TANGO6: variants seen among roughly 807,000 people sequenced by gnomAD.
TANGO6 encodes transport and Golgi organization protein 6 homolog.
Under a neutral mutation model 114.2 loss-of-function variants are expected in TANGO6, and 90 were observed. The ratio of observed to expected loss-of-function variants is 0.79; its 90% CI spans 0.66 to 0.94. The LOEUF (loss-of-function observed/expected upper bound fraction) is 0.94, where lower values mean the gene tolerates loss of function less well. TANGO6 is among the 40% of genes least tolerant of loss of function. The pLI is 0.00. For synonymous variants in TANGO6, 477 were observed against 509.8 expected (o/e 0.94, Z 0.87); for missense variants, 1,274 against 1,315.3 (o/e 0.97, Z 0.49).
intron 12 of TANGO6, among the ~76,000 whole-genome samples, chr16:68,922,820 A>C (rs937604914): frequency 6.6e-6 from 1 of 152,054 alleles, no homozygotes; most frequent in African/African-American, 2.4e-5. Flanking sequence ...CTGGGCTCCA[A>C]ATCTTGAAAT....
intron 10 of TANGO6, among the ~76,000 whole-genome samples, chr16:68,908,368 A>G (rs1156879637): frequency 1.3e-5 from 2 of 152,054 alleles, no homozygotes; most frequent in African/African-American, 4.8e-5. Context: ...ATCACGTTCC[A>G]AGGGGATGTG....
chr16:69,046,893 T>C (rs1008326777), intron 17 of TANGO6, among the ~76,000 whole-genome samples: 3 of 152,072 alleles, frequency 2.0e-5, no homozygotes, highest in Non-Finnish European at 4.4e-5. Flanking sequence ...TGAGTGATTT[T>C]AGGCCAGGCG....
At chr16:68,931,065 C>T (rs777743720) in intron 14 of TANGO6, among the ~76,000 whole-genome samples, 2 of 152,056 alleles carry the variant, frequency 1.3e-5, no homozygotes, top group African/African-American at 4.8e-5. Flanking sequence ...TGTTGTTCTC[C>T]ACATCCCCTT....
intron 15 of TANGO6, among the ~76,000 whole-genome samples, chr16:69,018,050 C>A (rs1302736234): frequency 1.3e-5 from 2 of 151,258 alleles, no homozygotes; most frequent in East Asian, 3.9e-4. Flanking sequence ...TTACAGGAGC[C>A]CATCACCATG....
chr16:68,876,265 G>A (rs926947834), intron 5 of TANGO6, among the ~76,000 whole-genome samples: 10 of 151,836 alleles, frequency 6.6e-5, no homozygotes, highest in South Asian at 2.1e-4. Context: ...GGGTTCAAGC[G>A]ATTCTCCTGC....
chr16:68,949,617 CT>C (rs1963451064), intron 14 of TANGO6, among the ~76,000 whole-genome samples: 1 of 148,138 alleles, frequency 6.8e-6, no homozygotes, highest in African/African-American at 2.5e-5. Flanking sequence ...GAAACTCTGT[CT>C]CAAAGAAAAA....
chr16:69,032,019 G>A (rs191171727), intron 16 of TANGO6, among the ~76,000 whole-genome samples: 7 of 152,090 alleles, frequency 4.6e-5, no homozygotes, highest in African/African-American at 1.4e-4. Context: ...CAGAAACCTA[G>A]GGAGGGAGCA....
intron 15 of TANGO6, among the ~76,000 whole-genome samples, chr16:68,983,880 A>C (rs1963865881): frequency 6.6e-6 from 1 of 152,012 alleles, no homozygotes; most frequent in African/African-American, 2.4e-5. Flanking sequence ...AAAAATACAA[A>C]AAATTAGCCA....
chr16:69,062,652 T>C (rs1960138683), intron 17 of TANGO6, among the ~76,000 whole-genome samples: 1 of 151,414 alleles, frequency 6.6e-6, no homozygotes, highest in Non-Finnish European at 1.5e-5. Flanking sequence ...TTTTTATTTT[T>C]AGTAGTGACA....
rs143061953 is a variant in TANGO6 at position 68,980,383 on chromosome 16, TTCTCTC to T, written c.2842+6237_2842+6242del. 1.7e-3 allele frequency among the ~76,000 whole-genome samples: 64 copies of T among 36,834 alleles called. 1 individual carries two copies. The highest frequency in any genetic ancestry group is 6.4e-3 in the African/African-American group (60 of 9,408). The allele number at this position is 36,834 out of a possible 152,430, so 24.2% of individuals were successfully genotyped here. A position where few individuals can be genotyped will look rare whatever the true frequency, so the allele number is the denominator to read the frequency against. On this transcript the variant is annotated intron_variant, in intron 15 of 17. Coordinates refer to ENST00000261778, the MANE Select transcript of TANGO6 (RefSeq NM_024562.2). The stretch of plus-strand genomic sequence containing the variant: ...TGAGTATGAATCTATCTGTCTGTCA[TTCTCTC>T]TCTCTCTCTCTCTCTCTCTCTATAT...
Position 69,022,932 on chromosome 16 carries a change from G to C in TANGO6, c.2947G>C (p.Glu983Gln). 6.2e-7 allele frequency: 1 copy of C among 1,605,834 alleles called. No homozygotes were observed. Among genetic ancestry groups the C allele is most frequent in the Non-Finnish European group, 8.5e-7 (1 of 1,176,390 alleles). Residue 983 changes from glutamate to glutamine, a missense_variant, in exon 16 of 18, where the codon GAG (glutamate) becomes CAG (glutamine). This residue lies in a region of TANGO6 where 238 missense variants were observed against 252.9 expected (regional missense o/e 0.94). Transcript: ENST00000261778. ...HRASSLANLG[E>Q]LCQRLDFLLG... ...GGCCAGCAGCTTGGCCAACCTTGGG[G>C]AGCTGTGCCAGAGGCTGGACTTTCT...
At chr16:69,008,549 G>A (rs374585827) in intron 15 of TANGO6, among the ~76,000 whole-genome samples, 5 of 152,108 alleles carry the variant, frequency 3.3e-5, no homozygotes, top group African/African-American at 1.2e-4. Flanking sequence ...GCCTGGCCTT[G>A]TATGTTTTAA....
At chr16:68,875,493 G>A (rs908639088) in intron 5 of TANGO6, among the ~76,000 whole-genome samples, 2 of 152,140 alleles carry the variant, frequency 1.3e-5, no homozygotes, top group Non-Finnish European at 2.9e-5. Flanking sequence ...GAGGCCAGGC[G>A]CAGTGGCTCA....
chr16:68,872,447 G>A (rs751570593), intron 4 of TANGO6, among the ~76,000 whole-genome samples: 2 of 149,076 alleles, frequency 1.3e-5, no homozygotes, highest in African/African-American at 2.5e-5. Flanking sequence ...GACTACAGGT[G>A]TGCGTCCTCA....
intron 7 of TANGO6, among the ~76,000 whole-genome samples, chr16:68,894,502 G>C (rs1268657841): frequency 1.3e-5 from 2 of 152,084 alleles, no homozygotes; most frequent in East Asian, 3.9e-4. Context: ...AGAAGCCGCT[G>C]TCCATGGTGC....
At chr16:68,850,113 A>G (rs1479439121) in intron 1 of TANGO6, among the ~76,000 whole-genome samples, 1 of 151,710 alleles carries the variant, frequency 6.6e-6, no homozygotes, top group Non-Finnish European at 1.5e-5. Flanking sequence ...AGCTGGGACT[A>G]CAGGCATGTG....
At chr16:69,016,193 G>A (rs905660440) in intron 15 of TANGO6, among the ~76,000 whole-genome samples, 1 of 152,164 alleles carries the variant, frequency 6.6e-6, no homozygotes, top group Non-Finnish European at 1.5e-5. Context: ...CCTCAGTACT[G>A]AGAACATTGG....
At chr16:68,949,050 G>C (rs1414508844) in intron 14 of TANGO6, among the ~76,000 whole-genome samples, 1 of 152,206 alleles carries the variant, frequency 6.6e-6, no homozygotes, top group Non-Finnish European at 1.5e-5. Context: ...GCTGAGCGTG[G>C]TGGTGCATGC....
chr16:68,909,152 G>A, intron 10 of TANGO6, 59 bp from the exon 11 acceptor site: 1 of 1,281,286 alleles, frequency 7.8e-7, no homozygotes, highest in Non-Finnish European at 1.0e-6. Flanking sequence ...GCTTATGTTT[G>A]AGAAGGCCTT....
Sources: gnomAD v4.1 joint callset for allele counts (sites outside exome capture counted in the v4.1 genomes callset) on GRCh38, gnomAD v4.1.1 for gene constraint, gnomAD v4.1.1 regional missense constraint, MANE v1.5 for transcripts, NCBI Gene and HGNC (gene_info 2026-07-23, HGNC 2026-07-21) for gene names.